Variants in MPDZ observed in about 807,000 individuals in gnomAD.
The protein encoded by MPDZ is multiple PDZ domain protein.
MPDZ carries 234 observed loss-of-function variants against 239.1 expected under a neutral mutation model. The observed-to-expected ratio is 0.98, with a 90% CI of 0.88 to 1.09. MPDZ has a LOEUF of 1.09. Ranked by LOEUF, MPDZ falls within the 50% of genes least tolerant of loss-of-function variation. The pLI, the probability that MPDZ is intolerant of heterozygous loss-of-function variation, is 0.00. For missense variants in MPDZ, 3,175 were observed against 2,510.0 expected (o/e 1.26, Z -5.66); for synonymous variants, 1,048 against 881.3 (o/e 1.19, Z -3.35).
chr9:13,107,186 A>C (rs747853678), intron 46 of MPDZ, 75 bp from the exon 47 acceptor site: 7 of 1,449,294 alleles, frequency 4.8e-6, no homozygotes, highest in Non-Finnish European at 6.5e-6. Flanking sequence ...AAAGATCTCA[A>C]CAGGAATGTA....
At chr9:13,211,772 A>C (rs1195908684) in intron 10 of MPDZ, among the ~76,000 whole-genome samples, 2 of 152,080 alleles carry the variant, frequency 1.3e-5, no homozygotes, top group Non-Finnish European at 2.9e-5. Context: ...TTTTAAGTAA[A>C]ATAAAAAGGT....
At chr9:13,175,616 G>C in intron 21 of MPDZ, 136 bp downstream of exon 21, 1 of 892,904 alleles carries the variant, frequency 1.1e-6, no homozygotes, top group East Asian at 2.7e-5. Flanking sequence ...TGAGGACATA[G>C]AAATAAAAAC....
intron 3 of MPDZ, among the ~76,000 whole-genome samples, chr9:13,228,317 T>TA (rs1665937110): frequency 1.3e-5 from 2 of 152,082 alleles, no homozygotes; most frequent in African/African-American, 2.4e-5. Flanking sequence ...TGCTATTACC[T>TA]AAAACATAAC....
intron 9 of MPDZ, 73 bp downstream of exon 9, chr9:13,217,107 C>G: frequency 9.3e-7 from 1 of 1,078,014 alleles, no homozygotes; most frequent in Non-Finnish European, 1.3e-6. Context: ...GTAATATCAA[C>G]TCAATATTTT....
Position 13,112,014 on chromosome 9 carries a change from T to C in MPDZ, c.5724+10A>G, listed in dbSNP as rs1034613530. 1.2e-6 allele frequency: 2 copies of C among 1,613,148 alleles called. No individual in the cohort carries two copies. The highest frequency in any genetic ancestry group is 1.7e-6 in the Non-Finnish European group (2 of 1,179,308). ...TTGCTAGGGCTTCTAGGGTTGATAG[T>C]ACGACTCACTCTGAGTTTTTGGGTC... On this transcript the variant is annotated intron_variant, in intron 43 of 46. Transcript: ENST00000319217.
chr9:13,109,008 G>T lies in MPDZ; in HGVS notation c.5994C>A (p.Gly1998=), dbSNP rs1293073839. Residue 1998 remains glycine (G), a synonymous_variant, in exon 46 of 47, where the codon GGC becomes GGA. Coordinates refer to ENST00000319217, the MANE Select transcript of MPDZ (RefSeq NM_001378778.1). ...ITLERGPDGL[G]FSIVGGYGSP... is the part of the protein sequence containing the mutation. ...TGCCATATCCTCCAACTATACTGAA[G>T]CCTAAGCCATCTGGTCCTCGCTCTA... 11 of 1,598,204 alleles carry T rather than the reference G, an allele frequency of 6.9e-6. No individual in the cohort carries two copies. In the East Asian group the frequency reaches 2.5e-4, roughly 36 times the overall value.
At chr9:13,213,069 A>C (rs1388274732) in intron 10 of MPDZ, among the ~76,000 whole-genome samples, 2 of 152,124 alleles carry the variant, frequency 1.3e-5, no homozygotes, top group African/African-American at 2.4e-5. Context: ...AATTTTTATC[A>C]ATCATAATTT....
Position 13,122,081 on chromosome 9 carries a change from C to T in MPDZ, c.5037+6G>A, listed in dbSNP as rs776962636. On this transcript the variant is annotated splice_donor_region_variant and intron_variant, in intron 37 of 46. Transcript: ENST00000319217. ...ATTTTGAAGGTCAAAAACAGGCATT[C>T]TATACCTCTAAGATCTGATCTCCAG... The T allele has an allele frequency of 6.2e-7, 1 of 1,613,758 alleles. No individual in the cohort carries two copies. Among genetic ancestry groups the T allele is most frequent in the South Asian group, 1.1e-5 (1 of 91,078 alleles).
At chr9:13,139,659 G>A (rs1490228830) in intron 28 of MPDZ, among the ~76,000 whole-genome samples, 1 of 152,144 alleles carries the variant, frequency 6.6e-6, no homozygotes, top group Non-Finnish European at 1.5e-5. Flanking sequence ...TGAGGAATCT[G>A]ATGCCCAGAA....
intron 38 of MPDZ, 182 bp from the exon 39 acceptor site, chr9:13,119,831 T>C (rs1456386663): frequency 4.7e-6 from 3 of 639,686 alleles, no homozygotes; most frequent in African/African-American, 3.7e-5. Context: ...ACAGCTTATG[T>C]CTTACAGTGC....
intron 24 of MPDZ, among the ~76,000 whole-genome samples, chr9:13,155,270 T>C (rs1214898668): frequency 6.6e-6 from 1 of 152,174 alleles, no homozygotes; most frequent in South Asian, 2.1e-4. Context: ...ATTTGACAAC[T>C]GAAAGTAAAA....
intron 32 of MPDZ, among the ~76,000 whole-genome samples, chr9:13,128,126 A>G (rs1945389991): frequency 6.6e-6 from 1 of 151,736 alleles, no homozygotes; most frequent in Non-Finnish European, 1.5e-5. Context: ...TTCCCTCACT[A>G]TGTTTCAGGC....
chr9:13,236,460 T>TA (rs1389482206), intron 3 of MPDZ, among the ~76,000 whole-genome samples: 3 of 150,250 alleles, frequency 2.0e-5, no homozygotes, highest in African/African-American at 7.4e-5. Flanking sequence ...TTTGTATTTT[T>TA]AGTAGAGACT....
chr9:13,111,467 G>A (rs1397541484), intron 43 of MPDZ, among the ~76,000 whole-genome samples: 1 of 152,178 alleles, frequency 6.6e-6, no homozygotes, highest in East Asian at 1.9e-4. Context: ...TAGAGAGACT[G>A]AGTTGCGTTA....
intron 39 of MPDZ, among the ~76,000 whole-genome samples, chr9:13,118,936 T>C (rs1943915329): frequency 6.6e-6 from 1 of 152,210 alleles, no homozygotes; most frequent in South Asian, 2.1e-4. Flanking sequence ...AAGGTACTGC[T>C]GAGTGAATCT....
At chr9:13,219,468 C>T (rs938920855) in intron 8 of MPDZ, 91 bp downstream of exon 8, 13 of 1,110,896 alleles carry the variant, frequency 1.2e-5, no homozygotes, top group Admixed American at 4.4e-5. Flanking sequence ...AATATAGGAA[C>T]ATTAGTAAGT....
intron 43 of MPDZ, among the ~76,000 whole-genome samples, chr9:13,111,034 G>GA (rs201635236): frequency 0.031 from 4,735 of 151,388 alleles, 108 homozygotes; most frequent in Middle Eastern, 0.048. Context: ...CCTATTAAAA[G>GA]AAAAAAAAAT....
At chr9:13,142,287 A>T (rs977217332) in intron 27 of MPDZ, among the ~76,000 whole-genome samples, 1 of 152,092 alleles carries the variant, frequency 6.6e-6, no homozygotes, top group African/African-American at 2.4e-5. Flanking sequence ...GATCTCAGGC[A>T]CAACATTTTC....
intron 1 of MPDZ, among the ~76,000 whole-genome samples, chr9:13,262,432 C>T (rs1003071980): frequency 6.6e-6 from 1 of 152,080 alleles, no homozygotes; most frequent in East Asian, 1.9e-4. Flanking sequence ...TCTGGGCCGA[C>T]AGAGAAAGAC....
Sources: allele counts gnomAD v4.1 joint callset (sites outside exome capture counted in the v4.1 genomes callset), GRCh38; gene constraint gnomAD v4.1.1; transcripts MANE v1.5; gene names NCBI Gene and HGNC (gene_info 2026-07-23, HGNC 2026-07-21).